The following OLFM4 variants were observed in gnomAD, a reference collection of about 807,000 sequenced individuals.
OLFM4 encodes the protein olfactomedin-4.
A neutral mutation model predicts 25.5 loss-of-function variants in OLFM4; 22 were observed. The observed-to-expected ratio is 0.86, with a 90% confidence interval of 0.62 to 1.23. The LOEUF (loss-of-function observed/expected upper bound fraction) is 1.23. OLFM4 is among the 50% of genes most tolerant of loss of function. The pLI, the probability that OLFM4 is intolerant of heterozygous loss-of-function variation, is 0.00. For missense variants in OLFM4, 594 were observed against 619.4 expected, an observed-to-expected ratio of 0.96 and a Z score of 0.44; for synonymous variants, 255 against 237.7, an observed-to-expected ratio of 1.07 and a Z score of -0.67.
At chr13:53,041,784 C>G in intron 2 of OLFM4, 126 bp from the exon 3 acceptor site, 1 of 631,920 alleles carries the variant, frequency 1.6e-6, no homozygotes, top group Non-Finnish European at 2.8e-6. Flanking sequence ...TATTTTTGAT[C>G]TATTTATTTA....
chr13:53,037,688 T>C (rs1384921584), intron 2 of OLFM4, among the ~76,000 whole-genome samples: 11 of 152,220 alleles, frequency 7.2e-5, no homozygotes, highest in Non-Finnish European at 1.0e-4. Flanking sequence ...TTGAGTCTAG[T>C]TGGGTCTAGC....
In OLFM4 at chr13:53,050,466, C is replaced by T; in HGVS notation, c.1228C>T (p.Leu410Phe). Residue 410 changes from leucine to phenylalanine, a missense_variant, in exon 5 of 5, where the codon CTC (leucine) becomes TTC (phenylalanine). Leu to Phe is a conservative substitution (Grantham distance 22). Transcript: ENST00000219022. ...ASTGNMVISK[L>F]NDTTLQVLNT... ...CACTGGTAACATGGTGATTAGTAAA[C>T]TCAATGACACCACACTTCAGGTGCT... 1 of 1,614,048 alleles carries T rather than the reference C, an allele frequency of 6.2e-7. No homozygotes were observed. The highest frequency in any genetic ancestry group is 2.2e-5 in the East Asian group (1 of 44,870).
rs934903852 is a variant in OLFM4 at position 53,044,577 on chromosome 13, T to C, written c.730+1313T>C. Among the ~76,000 whole-genome samples the C allele has an allele frequency of 6.6e-5, 10 of 151,920 alleles. No individual in the cohort carries two copies. The East Asian group carries it at 1.5e-3, about 24-fold the overall frequency. Reference sequence around the variant, plus strand: ...TTTTTCCTCCCTCTGCAAATAGGAGTGTGTCCTACTATGACAGGTGTCATC... The same window carrying C: ...TTTTTCCTCCCTCTGCAAATAGGAGCGTGTCCTACTATGACAGGTGTCATC... On this transcript the variant is annotated intron_variant, in intron 4 of 4. Transcript: ENST00000219022.
At chr13:53,034,049 T>TC (rs1309958665) in intron 1 of OLFM4, among the ~76,000 whole-genome samples, 10 of 75,906 alleles carry the variant, frequency 1.3e-4, no homozygotes, top group Non-Finnish European at 2.3e-4. Context: ...AGAGTGAGAC[T>TC]CCGTCTCAAA....
chr13:53,032,533 T>A (rs897595311), intron 1 of OLFM4, among the ~76,000 whole-genome samples: 2 of 152,086 alleles, frequency 1.3e-5, no homozygotes, highest in Admixed American at 1.3e-4. Context: ...GAGTCTTTAT[T>A]CATCTCTGGC....
intron 4 of OLFM4, among the ~76,000 whole-genome samples, chr13:53,047,941 A>C (rs1438530459): frequency 6.6e-6 from 1 of 152,138 alleles, no homozygotes; most frequent in Non-Finnish European, 1.5e-5. Flanking sequence ...GGAAGGCAAG[A>C]CTCAATGAAG....
At chr13:53,039,240 A>T (rs1018667734) in intron 2 of OLFM4, among the ~76,000 whole-genome samples, 2 of 152,234 alleles carry the variant, frequency 1.3e-5, no homozygotes, top group Non-Finnish European at 2.9e-5. Context: ...AATGCCAACA[A>T]GCATATTTAT....
At chr13:53,042,774 T>A (rs1244001943) in intron 3 of OLFM4, among the ~76,000 whole-genome samples, 1 of 152,212 alleles carries the variant, frequency 6.6e-6, no homozygotes, top group Non-Finnish European at 1.5e-5. Context: ...AGAATCTTAA[T>A]TATAATACAA....
Position 53,047,025 on chromosome 13 carries a change from T to TTC in OLFM4, c.731-2943_731-2942dup, listed in dbSNP as rs1195939030. On this transcript the variant is annotated intron_variant, in intron 4 of 4. Coordinates refer to ENST00000219022, the MANE Select transcript of OLFM4 (RefSeq NM_006418.5). ...CTGCTTAACACCAAATTATTTTTGC[T>TTC]TCCTTGGTAGTGGAGTAGGTAAAAG... 1.3e-5 allele frequency among the ~76,000 whole-genome samples: 2 copies of TTC among 152,240 alleles called. 1 individual carries two copies. Among genetic ancestry groups the TTC allele is most frequent in the South Asian group, 4.1e-4 (2 of 4,828 alleles).
chr13:53,033,695 A>C (rs1343342963), intron 1 of OLFM4, among the ~76,000 whole-genome samples: 1 of 152,232 alleles, frequency 6.6e-6, no homozygotes, highest in Non-Finnish European at 1.5e-5. Context: ...CTAGAATTGA[A>C]ATTCAAACTT....
chr13:53,043,166 C>T lies in OLFM4; in HGVS notation c.632C>T (p.Ala211Val). ...ACACTAGACAAAAACAATGTCCTTG[C>T]CATTCGCCGAGAAATCGTGGCTCTG... ...LETLDKNNVL[A>V]IRREIVALKT... Residue 211 changes from alanine to valine, a missense_variant, in exon 4 of 5, where the codon GCC becomes GTC. Physicochemically the swap from Ala to Val is moderately conservative, Grantham distance 64. Transcript: ENST00000219022. 2.5e-6 allele frequency: 4 copies of T among 1,613,256 alleles called. No homozygotes were observed. Among genetic ancestry groups the T allele is most frequent in the Non-Finnish European group, 3.4e-6 (4 of 1,179,560 alleles).
intron 2 of OLFM4, among the ~76,000 whole-genome samples, chr13:53,041,569 A>G (rs1349637289): frequency 1.3e-5 from 2 of 152,130 alleles, no homozygotes; most frequent in Admixed American, 1.3e-4. Context: ...ACAAACCCCC[A>G]TGACATGAGT....
At chr13:53,032,649 T>C (rs1954635333) in intron 1 of OLFM4, among the ~76,000 whole-genome samples, 1 of 152,070 alleles carries the variant, frequency 6.6e-6, no homozygotes, top group Non-Finnish European at 1.5e-5. Flanking sequence ...AGGGATGTGA[T>C]TGGAAAAGAA....
chr13:53,031,269 C>T (rs1219071187), intron 1 of OLFM4, among the ~76,000 whole-genome samples: 4 of 152,154 alleles, frequency 2.6e-5, no homozygotes, highest in African/African-American at 9.7e-5. Flanking sequence ...TGGCTGTCAG[C>T]TTGATGAGCT....
chr13:53,037,044 A>G (rs1954662520), intron 2 of OLFM4, among the ~76,000 whole-genome samples: 1 of 152,204 alleles, frequency 6.6e-6, no homozygotes, highest in African/African-American at 2.4e-5. Context: ...CGAATTTCCA[A>G]GTGAGTTATT....
Position 53,028,961 on chromosome 13 carries a change from CCAGCTCCAGCTT to C in OLFM4, c.137_148del (p.Phe46_Ser49del), listed in dbSNP as rs759339470. ...TTCAGCTCTTTCCCAGGTGTTGACT[CCAGCTCCAGCTT>C]CAGCTCCAGCTCCAGGTCGGGCTCC... On this transcript the variant is annotated inframe_deletion, in exon 1 of 5. Coordinates refer to ENST00000219022, the MANE Select transcript of OLFM4 (RefSeq NM_006418.5). 1.1e-5 allele frequency: 18 copies of C among 1,613,942 alleles called. No individual in the cohort carries two copies. The highest frequency in any genetic ancestry group is 1.4e-5 in the Non-Finnish European group (16 of 1,179,830).
chr13:53,033,410 A>G (rs1954639224), intron 1 of OLFM4, among the ~76,000 whole-genome samples: 1 of 152,196 alleles, frequency 6.6e-6, no homozygotes, highest in African/African-American at 2.4e-5. Flanking sequence ...CGATGAGAGG[A>G]TATGAATTTG....
intron 2 of OLFM4, among the ~76,000 whole-genome samples, chr13:53,037,894 G>T (rs998840056): frequency 4.6e-5 from 7 of 152,182 alleles, no homozygotes; most frequent in African/African-American, 1.7e-4. Flanking sequence ...TAGCTTGCTA[G>T]CACTACACCC....
At chr13:53,046,334 A>C (rs1954715704) in intron 4 of OLFM4, among the ~76,000 whole-genome samples, 1 of 152,208 alleles carries the variant, frequency 6.6e-6, no homozygotes, top group Non-Finnish European at 1.5e-5. Flanking sequence ...AGAATATTTT[A>C]AATTCTCATG....
Sources: gnomAD v4.1 joint callset for allele counts (sites outside exome capture counted in the v4.1 genomes callset) on GRCh38, gnomAD v4.1.1 for gene constraint, MANE v1.5 for transcripts, NCBI Gene and HGNC (gene_info 2026-07-23, HGNC 2026-07-21) for gene names.